Variants in TAB2 observed in about 807,000 individuals in gnomAD.
TAB2 encodes TGF-beta-activated kinase 1 and MAP3K7-binding protein 2.
In TAB2, 3 loss-of-function variants were observed where a neutral mutation model predicts 65.0. That is an observed-to-expected ratio of 0.05 (90% CI 0.02 to 0.12). The LOEUF is 0.12. Ranked by LOEUF, TAB2 falls within the 10% of genes least tolerant of loss-of-function variation. TAB2 has a pLI of 1.00. For missense variants in TAB2, 623 were observed against 840.3 expected, an observed-to-expected ratio of 0.74 and a Z score of 3.20; for synonymous variants, 298 against 285.1, an observed-to-expected ratio of 1.05 and a Z score of -0.46.
intron 1 of TAB2, among the ~76,000 whole-genome samples, chr6:149,290,767 C>G (rs1355300877): frequency 6.6e-6 from 1 of 152,158 alleles, no homozygotes; most frequent in East Asian, 1.9e-4. Context: ...ATGGCTTGAG[C>G]CTGGGAGGCA....
upstream of TAB2, among the ~76,000 whole-genome samples, chr6:149,312,810 G>A (rs74834234): frequency 5.9e-5 from 9 of 152,170 alleles, no homozygotes. Context: ...CTTGTGGAAT[G>A]GCTGAATTGT....
chr6:149,406,200 A>G (rs1052996383), intron 6 of TAB2, among the ~76,000 whole-genome samples: 1 of 152,190 alleles, frequency 6.6e-6, no homozygotes, highest in Non-Finnish European at 1.5e-5. Flanking sequence ...TTTGTTCCCC[A>G]TATGTTTGTA....
Position 149,409,561 on chromosome 6 carries a change from T to C in TAB2, c.1940-16T>C, listed in dbSNP as rs1026187935. ...GTGATTTTTTACTTATAAAATAATT[T>C]TTTTCTTTCTTACAGATCAAAGGTC... is the stretch of plus-strand genomic sequence containing the variant. On this transcript the variant is annotated splice_polypyrimidine_tract_variant and intron_variant, in intron 6 of 6. Transcript: ENST00000637181. 6.2e-7 allele frequency: 1 copy of C among 1,610,042 alleles called. No individual in the cohort carries two copies. The highest frequency in any genetic ancestry group is 1.7e-5 in the Admixed American group (1 of 59,928).
intron 4 of TAB2, 40 bp downstream of exon 4, chr6:149,397,804 TG>T (rs1229926103): frequency 1.2e-6 from 2 of 1,608,396 alleles, no homozygotes; most frequent in African/African-American, 2.7e-5. Flanking sequence ...TGCTTGAACA[TG>T]AGAGTAGGCC....
intron 1 of TAB2, among the ~76,000 whole-genome samples, chr6:149,251,165 A>G (rs114089894): frequency 0.022 from 3,333 of 152,336 alleles, 119 homozygotes; most frequent in African/African-American, 0.076. Flanking sequence ...AATCAACCGT[A>G]GAGATGACTG....
chr6:149,372,519 AAATG>A (rs371485483), intron 2 of TAB2: 72 of 152,320 alleles, frequency 4.7e-4, no homozygotes, highest in African/African-American at 1.7e-3. Flanking sequence ...CAAAAATAAA[AAATG>A]AATGGTTTTC....
intron 1 of TAB2, among the ~76,000 whole-genome samples, chr6:149,347,897 T>G (rs1158015697): frequency 6.6e-6 from 1 of 152,176 alleles, no homozygotes; most frequent in Non-Finnish European, 1.5e-5. Context: ...GTAATATGAT[T>G]CTTATTTTAT....
chr6:149,403,216 G>A (rs1304879659), intron 6 of TAB2, among the ~76,000 whole-genome samples: 8 of 136,436 alleles, frequency 5.9e-5, no homozygotes, highest in African/African-American at 2.0e-4. Context: ...CCTGGGCAAC[G>A]GGAGCGAAAC....
intron 1 of TAB2, among the ~76,000 whole-genome samples, chr6:149,366,120 G>A (rs1166716200): frequency 6.6e-6 from 1 of 152,012 alleles, no homozygotes; most frequent in Admixed American, 6.6e-5. Flanking sequence ...TCTTGAGTAT[G>A]GGTCAGTTTT....
At chr6:149,248,984 T>G (rs1777798957) in intron 1 of TAB2, among the ~76,000 whole-genome samples, 1 of 152,062 alleles carries the variant, frequency 6.6e-6, no homozygotes, top group Non-Finnish European at 1.5e-5. Flanking sequence ...GAGGCCAAAT[T>G]ACACAGCAGA....
chr6:149,370,748 T>C (rs926084371), intron 2 of TAB2, among the ~76,000 whole-genome samples: 2 of 152,162 alleles, frequency 1.3e-5, no homozygotes, highest in Non-Finnish European at 1.5e-5. Context: ...TTCTATTTTA[T>C]TAAACTGGAA....
intron 1 of TAB2, among the ~76,000 whole-genome samples, chr6:149,363,451 G>A (rs1239292736): frequency 2.0e-5 from 3 of 152,126 alleles, no homozygotes; most frequent in Non-Finnish European, 2.9e-5. Flanking sequence ...GAGCTTCATA[G>A]CACTTGCTGG....
chr6:149,363,256 T>A (rs1780913751), intron 1 of TAB2, among the ~76,000 whole-genome samples: 3 of 152,154 alleles, frequency 2.0e-5, no homozygotes, highest in African/African-American at 7.2e-5. Flanking sequence ...AAGCTAAATC[T>A]TTATTTTCTC....
intron 1 of TAB2, among the ~76,000 whole-genome samples, chr6:149,287,379 G>T (rs570589089): frequency 7.3e-4 from 111 of 152,090 alleles, no homozygotes; most frequent in African/African-American, 2.6e-3. Flanking sequence ...GTACATTTAT[G>T]CCCGAACTAG....
At chr6:149,229,319 G>A (rs1224093444) in intron 1 of TAB2, among the ~76,000 whole-genome samples, 2 of 152,000 alleles carry the variant, frequency 1.3e-5, no homozygotes, top group Non-Finnish European at 2.9e-5. Context: ...GTAAAACCCT[G>A]AACTGGCACC....
intron 1 of TAB2, among the ~76,000 whole-genome samples, chr6:149,275,294 AAGAAAG>A (rs1354855491): frequency 2.9e-5 from 4 of 137,932 alleles, no homozygotes; most frequent in African/African-American, 8.0e-5. Flanking sequence ...GAAAGAAAGA[AAGAAAG>A]AGAAAAAAGA....
intron 1 of TAB2, among the ~76,000 whole-genome samples, chr6:149,282,678 C>T (rs1233323082): frequency 1.3e-5 from 2 of 152,174 alleles, no homozygotes; most frequent in East Asian, 3.8e-4. Flanking sequence ...TGATTAAGAG[C>T]ATTATTCACT....
At chr6:149,274,585 T>G (rs1489409133) in intron 1 of TAB2, among the ~76,000 whole-genome samples, 1 of 152,172 alleles carries the variant, frequency 6.6e-6, no homozygotes, top group Non-Finnish European at 1.5e-5. Context: ...CCCTTTCTTT[T>G]GAAAAAGGCT....
At chr6:149,305,287 T>C (rs115742857) in intron 1 of TAB2, among the ~76,000 whole-genome samples, 2,048 of 152,226 alleles carry the variant, frequency 0.013, 45 homozygotes, top group African/African-American at 0.046. Flanking sequence ...TGGGATAGAG[T>C]TGGGGTAGGA....
Sources: gnomAD v4.1 joint callset for allele counts (sites outside exome capture counted in the v4.1 genomes callset) on GRCh38, gnomAD v4.1.1 for gene constraint, MANE v1.5 for transcripts, NCBI Gene and HGNC (gene_info 2026-07-23, HGNC 2026-07-21) for gene names.